DLG4: variants seen among roughly 807,000 people sequenced by gnomAD.
DLG4 encodes the protein discs large MAGUK scaffold protein 4.
In DLG4, 7 loss-of-function variants were observed where a neutral mutation model predicts 93.8. The observed-to-expected ratio is 0.07, with a 90% confidence interval of 0.04 to 0.14. The LOEUF (loss-of-function observed/expected upper bound fraction) is 0.14, where lower values mean the gene tolerates loss of function less well. Among genes scored for constraint, DLG4 ranks in the 10% least tolerant of loss-of-function variants. The pLI is 1.00. For missense variants in DLG4, 545 were observed against 992.9 expected (o/e 0.55, Z 6.06); for synonymous variants, 341 against 387.6 (o/e 0.88, Z 1.41).
In DLG4 at chr17:7,194,950, C is replaced by T. The variant is rs1311584136; in HGVS notation, c.1302-455G>A. Among the ~76,000 whole-genome samples the T allele has an allele frequency of 6.7e-6, 1 of 150,162 alleles. No homozygotes were observed. Among genetic ancestry groups the T allele is most frequent in the East Asian group, 2.0e-4 (1 of 5,102 alleles). ...AGGAAAATGGCATGAACCCAGGAGGCGGAGCTTGCAGTGAGCAGAGATCAC... is the reference window on the plus strand; with the variant it reads ...AGGAAAATGGCATGAACCCAGGAGGTGGAGCTTGCAGTGAGCAGAGATCAC... On this transcript the variant is annotated intron_variant, in intron 11 of 19. Transcript: ENST00000399506. The surrounding 1 kb of genome is among the most constrained non-coding windows in gnomAD (Gnocchi z 4.4).
intron 8 of DLG4, among the ~76,000 whole-genome samples, chr17:7,198,847 C>CAAA (rs34843480): frequency 1.1e-5 from 1 of 90,394 alleles, no homozygotes; most frequent in African/African-American, 4.0e-5. Flanking sequence ...GACTCCATCT[C>CAAA]AAAAAAAAAA....
In DLG4 at chr17:7,196,937, C is replaced by G. The variant is rs2069821546; in HGVS notation, c.903G>C (p.Leu301=). ...CTCGGGGAATGTCTTCCTCCCCGAG[C>G]AGGTCCTTGGCCACTGGAGAGTAGC... ...PRRYSPVAKD[L]LGEEDIPREP... The change falls in exon 9 of 20, where the codon CTG becomes CTC. Residue 301 remains leucine (L), a synonymous_variant. Coordinates refer to ENST00000399506, the MANE Select transcript of DLG4 (RefSeq NM_001321075.3). This position sits in a 1 kb window ranked among gnomAD's most constrained non-coding sequence, Gnocchi z 8.3. The G allele has an allele frequency of 6.2e-7, 1 of 1,613,714 alleles. No individual in the cohort carries two copies. Among genetic ancestry groups the G allele is most frequent in the South Asian group, 1.1e-5 (1 of 91,026 alleles).
Position 7,208,278 on chromosome 17 carries a change from G to C in DLG4, c.31-39C>G, listed in dbSNP as rs1356445050. ...CGGAGGTGTCACTGGGGCCAGCCCGGTGCCTCAGGCTCCAGGCTGGCCGCC... is the reference window on the plus strand; with the variant it reads ...CGGAGGTGTCACTGGGGCCAGCCCGCTGCCTCAGGCTCCAGGCTGGCCGCC... On this transcript the variant is annotated intron_variant, in intron 1 of 19. Coordinates refer to ENST00000399506, the MANE Select transcript of DLG4 (RefSeq NM_001321075.3). The surrounding 1 kb of genome is among the most constrained non-coding windows in gnomAD (Gnocchi z 5.4). 2 of 1,309,412 alleles carry C rather than the reference G, an allele frequency of 1.5e-6. No individual in the cohort carries two copies. Among genetic ancestry groups the C allele is most frequent in the Non-Finnish European group, 2.0e-6 (2 of 1,020,626 alleles). The allele number at this position is 1,309,412 out of a possible 1,614,324, so 81.1% of individuals were successfully genotyped here. A position where few individuals can be genotyped will look rare whatever the true frequency, so the allele number is the denominator to read the frequency against.
In DLG4 at chr17:7,193,424, G is replaced by C. The variant is rs911686748; in HGVS notation, c.1693+59C>G. On this transcript the variant is annotated intron_variant, in intron 16 of 19. Transcript: ENST00000399506. This position sits in a 1 kb window ranked among gnomAD's most constrained non-coding sequence, Gnocchi z 6.7. ...GCTCTGCCTATGGCCCCAGGGATGG[G>C]CCTCCCCTGCCCCACCCCCACTTCC... 11 of 1,461,460 alleles carry C rather than the reference G, an allele frequency of 7.5e-6. No homozygotes were observed. In the African/African-American group the frequency reaches 1.4e-4, roughly 19 times the overall value. 90.5% of individuals were successfully genotyped at this position (1,461,460 alleles called of 1,614,324 possible). A position where few individuals can be genotyped will look rare whatever the true frequency, so the allele number is the denominator to read the frequency against.
chr17:7,198,544 A>T (rs1018818809), intron 8 of DLG4, among the ~76,000 whole-genome samples: 1 of 150,720 alleles, frequency 6.6e-6, no homozygotes, highest in African/African-American at 2.4e-5. Flanking sequence ...TCTCTACAAA[A>T]GACAAAAGTT....
intron 8 of DLG4, among the ~76,000 whole-genome samples, chr17:7,201,014 C>A (rs944713900): frequency 6.6e-6 from 1 of 151,994 alleles, no homozygotes; most frequent in Non-Finnish European, 1.5e-5. Flanking sequence ...CGCTCGCCAC[C>A]ACACCCAGCT....
At chr17:7,212,878 CA>C (rs2070761936) in intron 1 of DLG4, among the ~76,000 whole-genome samples, 1 of 151,948 alleles carries the variant, frequency 6.6e-6, no homozygotes, top group African/African-American at 2.4e-5. Flanking sequence ...ACTAAAACTA[CA>C]AAAATTAGCC....
intron 1 of DLG4, among the ~76,000 whole-genome samples, chr17:7,215,221 G>C (rs1379120976): frequency 4.6e-5 from 7 of 152,224 alleles, no homozygotes; most frequent in Admixed American, 3.9e-4. Context: ...AAGGAATGTG[G>C]CAAGCCTGGG....
rs202090862 is a variant in DLG4, at chr17:7,193,893, C to T, written c.1516-22G>A. On this transcript the variant is annotated intron_variant, in intron 13 of 19. Transcript: ENST00000399506. The surrounding 1 kb of genome is among the most constrained non-coding windows in gnomAD (Gnocchi z 6.7). Reference sequence around the variant, plus strand: ...AGTCCTAAGAAGAAAAAGCAGGCCACGGGGTTAGTTATGAGCTCAGCTCCA... The same window carrying T: ...AGTCCTAAGAAGAAAAAGCAGGCCATGGGGTTAGTTATGAGCTCAGCTCCA... 4.2e-4 allele frequency: 682 copies of T among 1,612,414 alleles called. 1 individual carries two copies. The highest frequency in any genetic ancestry group is 3.1e-3 in the African/African-American group (234 of 75,002).
In DLG4 at chr17:7,191,300, T is replaced by C. The variant is rs1252920658; in HGVS notation, c.2035A>G (p.Lys679Glu). 2 of 1,613,960 alleles carry C rather than the reference T, an allele frequency of 1.2e-6. No homozygotes were observed. The highest frequency in any genetic ancestry group is 1.7e-6 in the Non-Finnish European group (2 of 1,179,858). The change falls in exon 19 of 20, where the codon AAG becomes GAG. Residue 679 changes from lysine (K) to glutamate (E), a missense_variant. Lys to Glu is a moderately conservative substitution (Grantham distance 56, BLOSUM62 1). Transcript: ENST00000399506. The surrounding 1 kb of genome is among the most constrained non-coding windows in gnomAD (Gnocchi z 6.6). Reference sequence around the variant, plus strand: ...CACTCTGTGAACTCCTGCTCCAGCTTGGTGGCTCTGTCGAAGGCTTTGCGG... The same window carrying C: ...CACTCTGTGAACTCCTGCTCCAGCTCGGTGGCTCTGTCGAAGGCTTTGCGG... ...QARKAFDRATKLEQEFTECFS... is the reference protein window; with the variant it reads ...QARKAFDRATELEQEFTECFS...
chr17:7,214,378 C>T (rs950226209), intron 1 of DLG4, among the ~76,000 whole-genome samples: 3 of 152,156 alleles, frequency 2.0e-5, no homozygotes, highest in Admixed American at 1.3e-4. Flanking sequence ...AGGTTGCTGC[C>T]TCCCTCGATA....
rs989326384 is a variant in DLG4 at position 7,217,577 on chromosome 17, G to C, written c.-430C>G. The C allele has an allele frequency of 7.3e-7, 1 of 1,365,162 alleles. No homozygotes were observed. The highest frequency in any genetic ancestry group is 1.5e-5 in the South Asian group (1 of 68,028). 84.6% of individuals were successfully genotyped at this position (1,365,162 alleles called of 1,614,324 possible). A position where few individuals can be genotyped will look rare whatever the true frequency, so the allele number is the denominator to read the frequency against. ...GGAGTGGGGTGGGGGGGTTGGAAAC[G>C]GCAGCGGCCGAGGGAGCCGTGGAGC... On this transcript the variant is annotated 5_prime_UTR_variant, in exon 1 of 20. Transcript: ENST00000399506.
chr17:7,192,919 A>T, intron 17 of DLG4, 26 bp downstream of exon 17: 1 of 1,581,866 alleles, frequency 6.3e-7, no homozygotes, highest in Non-Finnish European at 8.6e-7. Flanking sequence ...GAGAAGGAAG[A>T]GGACCGGGTG....
intron 2 of DLG4, chr17:7,204,466 C>T (rs1313969972): frequency 2.3e-5 from 12 of 530,666 alleles, no homozygotes; most frequent in Non-Finnish European, 3.3e-5. Context: ...CAGATGCACA[C>T]GCGCAAGGAT....
chr17:7,208,086 A>G lies in DLG4; in HGVS notation c.96+88T>C. On this transcript the variant is annotated intron_variant, in intron 2 of 19. Coordinates refer to ENST00000399506, the MANE Select transcript of DLG4 (RefSeq NM_001321075.3). The surrounding 1 kb of genome is among the most constrained non-coding windows in gnomAD (Gnocchi z 5.4). Reference sequence around the variant, plus strand: ...CCAGGGTCTCCTACCTTGAAGGGGGAGAGGTGGGCGTGGCCCACGACCCCG... The same window carrying G: ...CCAGGGTCTCCTACCTTGAAGGGGGGGAGGTGGGCGTGGCCCACGACCCCG... The G allele has an allele frequency of 1.5e-6, 2 of 1,315,046 alleles. No homozygotes were observed. The highest frequency in any genetic ancestry group is 5.9e-5 in the South Asian group (2 of 33,964). The allele number at this position is 1,315,046 out of a possible 1,614,324, so 81.5% of individuals were successfully genotyped here.
chr17:7,214,027 T>A (rs1306672300), intron 1 of DLG4: 2 of 350,582 alleles, frequency 5.7e-6, no homozygotes, highest in Non-Finnish European at 1.2e-5. Flanking sequence ...CATCCCCCAT[T>A]TCCCTTTTCC....
chr17:7,217,650 G>C, upstream of DLG4: 2 of 1,287,774 alleles, frequency 1.6e-6, no homozygotes, highest in East Asian at 5.7e-5. Context: ...GGGGGAGGGA[G>C]GGAGGGAGCT....
rs1035975358 is a variant in DLG4 at position 7,187,534 on chromosome 17, G to A, written c.*3174C>T. Among the ~76,000 whole-genome samples, 22 of 145,044 alleles carry A rather than the reference G, an allele frequency of 1.5e-4. No individual in the cohort carries two copies. The highest frequency in any genetic ancestry group is 3.8e-4 in the African/African-American group (15 of 39,048). Reference sequence around the variant, plus strand: ...GCACTCCAGCCTGGGCAACAAGAGCGAAACTCTGTCTCCAATAATAATAAT... The same window carrying A: ...GCACTCCAGCCTGGGCAACAAGAGCAAAACTCTGTCTCCAATAATAATAAT... On this transcript the variant is annotated 3_prime_UTR_variant, in exon 20 of 20. Transcript: ENST00000399506.
Position 7,217,506 on chromosome 17 carries a change from A to AG in DLG4, c.-360dup, listed in dbSNP as rs1255797317. The stretch of plus-strand genomic sequence containing the variant: ...ACTGGATTTCGGGGAGCCCCGGGGT[A>AG]GGGGGGGGTCTTGCCAAACGGCCAG... On this transcript the variant is annotated 5_prime_UTR_variant, in exon 1 of 20. Transcript: ENST00000399506. 9 of 76,826 alleles carry AG rather than the reference A, an allele frequency of 1.2e-4. No homozygotes were observed. Among genetic ancestry groups the AG allele is most frequent in the East Asian group, 9.4e-4 (1 of 1,066 alleles). The allele number at this position is 76,826 out of a possible 1,614,324, so 4.8% of individuals were successfully genotyped here. A position where few individuals can be genotyped will look rare whatever the true frequency, so the allele number is the denominator to read the frequency against.
Sources: allele counts gnomAD v4.1 joint callset (sites outside exome capture counted in the v4.1 genomes callset), GRCh38; gene constraint gnomAD v4.1.1; non-coding constraint Gnocchi (gnomAD v3.1); transcripts MANE v1.5; gene names NCBI Gene and HGNC (gene_info 2026-07-23, HGNC 2026-07-21).